Variants in SLC35F3 observed in about 807,000 individuals in gnomAD.
SLC35F3 encodes putative thiamine transporter SLC35F3.
SLC35F3 carries 25 observed loss-of-function variants against 49.9 expected under a neutral mutation model. The ratio of observed to expected loss-of-function variants is 0.50; its 90% CI spans 0.37 to 0.70. SLC35F3 has a LOEUF of 0.70. SLC35F3 is among the 30% of genes least tolerant of loss of function. SLC35F3 has a pLI of 0.00. For missense variants in SLC35F3, 525 were observed against 639.8 expected (o/e 0.82, Z 1.94); for synonymous variants, 275 against 265.4 (o/e 1.04, Z -0.35).
intron 3 of SLC35F3, among the ~76,000 whole-genome samples, chr1:234,281,122 C>T (rs1012816582): frequency 1.1e-4 from 16 of 152,082 alleles, no homozygotes; most frequent in South Asian, 2.1e-4. Context: ...AGCCCTAACC[C>T]CCAGTACTTC....
intron 2 of SLC35F3, among the ~76,000 whole-genome samples, chr1:234,023,932 C>T (rs998214528): frequency 3.3e-5 from 5 of 152,058 alleles, no homozygotes; most frequent in African/African-American, 1.2e-4. Flanking sequence ...GAAACTGTCT[C>T]AGCCAAGTGG....
chr1:234,297,835 TAGTC>T (rs1400369267), intron 3 of SLC35F3, among the ~76,000 whole-genome samples: 1 of 152,016 alleles, frequency 6.6e-6, no homozygotes, highest in Non-Finnish European at 1.5e-5. Flanking sequence ...AGGGAAGAGT[TAGTC>T]AGAGTGCAAA....
At chr1:234,031,777 G>A (rs1664066485) in intron 2 of SLC35F3, among the ~76,000 whole-genome samples, 1 of 152,142 alleles carries the variant, frequency 6.6e-6, no homozygotes, top group Admixed American at 6.5e-5. Flanking sequence ...TGTCACAACT[G>A]TGTCCATTTC....
At chr1:234,045,299 T>C (rs1664273083) in intron 2 of SLC35F3, among the ~76,000 whole-genome samples, 1 of 152,222 alleles carries the variant, frequency 6.6e-6, no homozygotes. Flanking sequence ...GTATTTACCA[T>C]GCTTCAGCTT....
At chr1:234,114,558 A>G (rs10797528) in intron 2 of SLC35F3, among the ~76,000 whole-genome samples, 55,151 of 152,056 alleles carry the variant, frequency 0.36, 11,378 homozygotes, top group East Asian at 0.82. Flanking sequence ...TGTTTTTGCT[A>G]TTCTCCACTT....
intron 2 of SLC35F3, among the ~76,000 whole-genome samples, chr1:234,020,270 T>C (rs900342224): frequency 9.9e-5 from 15 of 152,256 alleles, no homozygotes; most frequent in Non-Finnish European, 1.8e-4. Flanking sequence ...TTATTGGCTT[T>C]CAAATATTTC....
chr1:234,078,001 A>G (rs1664822852), intron 2 of SLC35F3, among the ~76,000 whole-genome samples: 3 of 152,140 alleles, frequency 2.0e-5, no homozygotes, highest in Admixed American at 2.0e-4. Flanking sequence ...AACCTCTGTC[A>G]TCACCCACTA....
intron 3 of SLC35F3, among the ~76,000 whole-genome samples, chr1:234,250,892 T>C (rs12059790): frequency 0.11 from 16,173 of 152,136 alleles, 1,051 homozygotes; most frequent in Non-Finnish European, 0.15. Flanking sequence ...CTGCAAAGAC[T>C]GCACCAAGCC....
At chr1:234,031,851 AT>A (rs1437072224) in intron 2 of SLC35F3, among the ~76,000 whole-genome samples, 1 of 152,166 alleles carries the variant, frequency 6.6e-6, no homozygotes, top group Non-Finnish European at 1.5e-5. Context: ...GACACCAAAC[AT>A]TATCTTTACC....
At chr1:233,986,840 G>A (rs1221762584) in intron 2 of SLC35F3, among the ~76,000 whole-genome samples, 1 of 152,024 alleles carries the variant, frequency 6.6e-6, no homozygotes, top group Non-Finnish European at 1.5e-5. Context: ...GATTGATTAC[G>A]TCCCAGGCTT....
At chr1:234,149,474 T>C (rs192029463) in intron 2 of SLC35F3, among the ~76,000 whole-genome samples, 1 of 152,344 alleles carries the variant, frequency 6.6e-6, no homozygotes, top group Admixed American at 6.5e-5. Context: ...GCTGTGATAC[T>C]GTAACTATGA....
intron 2 of SLC35F3, among the ~76,000 whole-genome samples, chr1:234,060,779 C>A (rs1664528393): frequency 6.6e-6 from 1 of 152,104 alleles, no homozygotes; most frequent in Admixed American, 6.6e-5. Flanking sequence ...TAATCACTTC[C>A]CCACCTTTAA....
At chr1:233,974,656 G>A (rs1383045099) in intron 2 of SLC35F3, among the ~76,000 whole-genome samples, 1 of 151,980 alleles carries the variant, frequency 6.6e-6, no homozygotes. Flanking sequence ...TCAACTCTTG[G>A]GATTGATTTT....
chr1:234,295,250 G>A (rs138796031), intron 3 of SLC35F3, among the ~76,000 whole-genome samples: 2,111 of 152,352 alleles, frequency 0.014, 31 homozygotes, highest in Non-Finnish European at 0.02. Flanking sequence ...CAGTTGGGCT[G>A]AAAGCCTTTT....
At chr1:233,909,217 A>T (rs1661829889) in intron 2 of SLC35F3, among the ~76,000 whole-genome samples, 1 of 151,862 alleles carries the variant, frequency 6.6e-6, no homozygotes. Flanking sequence ...CTTTTGTGAA[A>T]CATTCAACTG....
At chr1:234,141,609 C>T (rs1057139546) in intron 2 of SLC35F3, among the ~76,000 whole-genome samples, 1 of 152,140 alleles carries the variant, frequency 6.6e-6, no homozygotes, top group African/African-American at 2.4e-5. Flanking sequence ...GGTGGCTTTA[C>T]ATTGCCTTTT....
intron 2 of SLC35F3, among the ~76,000 whole-genome samples, chr1:234,032,525 C>G (rs189061147): frequency 1.3e-5 from 2 of 152,138 alleles, no homozygotes; most frequent in Non-Finnish European, 2.9e-5. Context: ...CACTTCCCCC[C>G]GATCCCCAAA....
chr1:234,094,589 A>G (rs1047997740), intron 2 of SLC35F3, among the ~76,000 whole-genome samples: 1 of 152,166 alleles, frequency 6.6e-6, no homozygotes, highest in Non-Finnish European at 1.5e-5. Context: ...ATTAGGTTGG[A>G]CACTGTCTAA....
chr1:234,044,360 T>C (rs1664261875), intron 2 of SLC35F3, among the ~76,000 whole-genome samples: 2 of 152,218 alleles, frequency 1.3e-5, no homozygotes, highest in East Asian at 1.9e-4. Flanking sequence ...ATGGGCTAGA[T>C]TGATACTTGA....
Sources: gnomAD v4.1 joint callset for allele counts (sites outside exome capture counted in the v4.1 genomes callset) on GRCh38, gnomAD v4.1.1 for gene constraint, MANE v1.5 for transcripts, NCBI Gene and HGNC (gene_info 2026-07-23, HGNC 2026-07-21) for gene names.